RBFOX1: variants seen among roughly 807,000 people sequenced by gnomAD.
RBFOX1 encodes the protein RNA binding fox-1 homolog 1.
A neutral mutation model predicts 57.7 loss-of-function variants in RBFOX1; 8 were observed. That is an observed-to-expected ratio of 0.14 (90% CI 0.08 to 0.25). RBFOX1 has a LOEUF of 0.25. Among genes scored for constraint, RBFOX1 ranks in the 10% least tolerant of loss-of-function variants. The probability of loss-of-function intolerance (pLI) is 1.00; values close to 1 mark genes in which losing one functional copy is unlikely to be tolerated. For synonymous variants in RBFOX1, 326 were observed against 222.4 expected, an observed-to-expected ratio of 1.47 and a Z score of -4.15; for missense variants, 611 against 548.5, an observed-to-expected ratio of 1.11 and a Z score of -1.14.
intron 3 of RBFOX1, among the ~76,000 whole-genome samples, chr16:6,904,856 G>A (rs573098023): frequency 2.6e-5 from 4 of 152,102 alleles, no homozygotes; most frequent in Non-Finnish European, 5.9e-5. Flanking sequence ...TTTGTTCTGC[G>A]TTGGGTGAAG....
intron 1 of RBFOX1, among the ~76,000 whole-genome samples, chr16:6,115,028 G>T (rs61229241): frequency 0.013 from 2,039 of 152,234 alleles, 56 homozygotes; most frequent in African/African-American, 0.047. Context: ...AGGAACAGTA[G>T]CTTCCAGGTT....
rs1430340865 is a variant in RBFOX1, at chr16:7,373,947, C to G, written c.28-144200C>G. Among the ~76,000 whole-genome samples, 7 of 152,298 alleles carry G rather than the reference C, an allele frequency of 4.6e-5. No individual in the cohort carries two copies. The East Asian group carries it at 1.4e-3, about 29-fold the overall frequency. On this transcript the variant is annotated intron_variant, in intron 4 of 15. Coordinates refer to ENST00000550418, the MANE Select transcript of RBFOX1 (RefSeq NM_018723.4). ...CTCGTAGCAGCCCTTTGCAATGAAA[C>G]TGTATCACTTTTGAAGCTTAGCAGA... is the stretch of plus-strand genomic sequence containing the variant.
At chr16:5,253,297 C>T (rs1438615284) in intron 1 of RBFOX1, among the ~76,000 whole-genome samples, 2 of 152,074 alleles carry the variant, frequency 1.3e-5, no homozygotes, top group South Asian at 4.2e-4. Flanking sequence ...CTAGAGGCAC[C>T]CACAACCACA....
chr16:6,148,671 C>G (rs1433423464), intron 1 of RBFOX1, among the ~76,000 whole-genome samples: 1 of 152,184 alleles, frequency 6.6e-6, no homozygotes, highest in Non-Finnish European at 1.5e-5. Context: ...ACAGGCAGGA[C>G]ACAGTTAGCA....
intron 2 of RBFOX1, among the ~76,000 whole-genome samples, chr16:5,519,264 G>A (rs965922768): frequency 5.3e-5 from 8 of 152,230 alleles, no homozygotes; most frequent in Non-Finnish European, 1.2e-4. Flanking sequence ...TTCATGAGTA[G>A]AATATCTGGG....
Position 6,667,301 on chromosome 16 carries a change from G to C in RBFOX1, c.-16+12651G>C, listed in dbSNP as rs572476867. Among the ~76,000 whole-genome samples the C allele has an allele frequency of 7.2e-4, 109 of 152,186 alleles. 1 individual carries two copies. Among genetic ancestry groups the C allele is most frequent in the South Asian group, 2.9e-3 (14 of 4,822 alleles). On this transcript the variant is annotated intron_variant, in intron 3 of 15. Transcript: ENST00000550418. ...AATGAAAAGCACTGAGGTAGATCGG[G>C]CTATTGGTCTCATACACCTTCAGTC...
intron 5 of RBFOX1, among the ~76,000 whole-genome samples, chr16:7,530,024 A>AAAAG: frequency 6.6e-6 from 1 of 151,250 alleles, no homozygotes; most frequent in East Asian, 1.9e-4. Flanking sequence ...AAAAAAAAAA[A>AAAAG]GTGAATTTAG....
At chr16:6,251,939 G>A (rs969144217) in intron 1 of RBFOX1, among the ~76,000 whole-genome samples, 6 of 152,088 alleles carry the variant, frequency 3.9e-5, no homozygotes, top group East Asian at 3.9e-4. Flanking sequence ...TCCTGGTTCC[G>A]AACTCATTAT....
At chr16:6,767,265 C>G (rs1045789068) in intron 3 of RBFOX1, among the ~76,000 whole-genome samples, 4 of 152,166 alleles carry the variant, frequency 2.6e-5, no homozygotes, top group African/African-American at 9.6e-5. Flanking sequence ...TGGCTCAAGT[C>G]TCTCCAAGGA....
chr16:7,174,162 C>T (rs2081230889), intron 4 of RBFOX1, among the ~76,000 whole-genome samples: 1 of 151,130 alleles, frequency 6.6e-6, no homozygotes, highest in African/African-American at 2.5e-5. Context: ...TTTAATTTAG[C>T]AGAAAGTTTA....
At chr16:5,814,878 G>A (rs965487142) in intron 3 of RBFOX1, among the ~76,000 whole-genome samples, 2 of 152,196 alleles carry the variant, frequency 1.3e-5, no homozygotes, top group Admixed American at 6.5e-5. Context: ...GCAGTGAGCC[G>A]AGATTGCGCC....
At chr16:7,096,039 A>C (rs2061642181) in intron 4 of RBFOX1, among the ~76,000 whole-genome samples, 3 of 151,774 alleles carry the variant, frequency 2.0e-5, no homozygotes, top group Non-Finnish European at 2.9e-5. Flanking sequence ...AGAAAAGAAA[A>C]GAAAAAATAA....
chr16:5,758,266 C>T (rs1003860897), intron 3 of RBFOX1, among the ~76,000 whole-genome samples: 3 of 152,148 alleles, frequency 2.0e-5, no homozygotes, highest in South Asian at 2.1e-4. Flanking sequence ...AAGTTGAAGG[C>T]GGTATTGTGG....
At chr16:6,515,958 A>C (rs1413121210) in intron 2 of RBFOX1, among the ~76,000 whole-genome samples, 1 of 152,180 alleles carries the variant, frequency 6.6e-6, no homozygotes, top group Middle Eastern at 3.2e-3. Context: ...AGGTACTGGT[A>C]CTGAAATACC....
chr16:6,605,638 C>G (rs963949455), intron 2 of RBFOX1, among the ~76,000 whole-genome samples: 1 of 152,188 alleles, frequency 6.6e-6, no homozygotes, highest in Non-Finnish European at 1.5e-5. Flanking sequence ...AAACTTAATA[C>G]TCGTTCATTG....
At chr16:5,443,458 C>T (rs1203860575) in intron 1 of RBFOX1, among the ~76,000 whole-genome samples, 2 of 152,184 alleles carry the variant, frequency 1.3e-5, no homozygotes, top group African/African-American at 2.4e-5. Context: ...ATGCCTCAGC[C>T]TTCTGAGTAG....
At position 7,546,328 on chromosome 16, in the gene RBFOX1, A is replaced by AAAAATAAAATAAAATAAAAT. The variant is rs59260994; in HGVS notation, c.270+27972_270+27991dup. 1.3e-3 allele frequency among the ~76,000 whole-genome samples: 188 copies of AAAAATAAAATAAAATAAAAT among 148,674 alleles called. 1 individual carries two copies. Among genetic ancestry groups the AAAAATAAAATAAAATAAAAT allele is most frequent in the African/African-American group, 4.6e-3 (184 of 40,016 alleles). ...GGCAAAAGGGTAAAACTCCACCTCA[A>AAAAATAAAATAAAATAAAAT]AAAATAAAATAAAATAAAATAAAAT... On this transcript the variant is annotated intron_variant, in intron 5 of 15. Transcript: ENST00000550418.
intron 2 of RBFOX1, among the ~76,000 whole-genome samples, chr16:5,472,904 A>G (rs532358861): frequency 6.6e-6 from 1 of 152,324 alleles, no homozygotes; most frequent in Admixed American, 6.5e-5. Flanking sequence ...TAGGGGATCC[A>G]GCAGAAACAC....
At chr16:7,693,166 A>G (rs2077748793) in intron 14 of RBFOX1, 6 of 624,672 alleles carry the variant, frequency 9.6e-6, no homozygotes, top group South Asian at 6.5e-5. Context: ...TGATCTTTCT[A>G]AACTCTGAGG....
Sources: gnomAD v4.1 joint callset for allele counts (sites outside exome capture counted in the v4.1 genomes callset) on GRCh38, gnomAD v4.1.1 for gene constraint, MANE v1.5 for transcripts, NCBI Gene and HGNC (gene_info 2026-07-23, HGNC 2026-07-21) for gene names.